The following FGFR2 variants were observed in gnomAD, a reference collection of about 807,000 sequenced individuals.
FGFR2 encodes fibroblast growth factor receptor 2.
Under a neutral mutation model 95.9 loss-of-function variants are expected in FGFR2, and 19 were observed. That is an observed-to-expected ratio of 0.20 (90% confidence interval 0.14 to 0.29). The LOEUF (loss-of-function observed/expected upper bound fraction) is 0.29, where lower values mean the gene tolerates loss of function less well. FGFR2 is among the 10% of genes least tolerant of loss of function. FGFR2 has a pLI of 1.00. For synonymous variants in FGFR2, 392 were observed against 393.3 expected (o/e 1.00, Z 0.04); for missense variants, 707 against 1,056.9 (o/e 0.67, Z 4.59).
chr10:121,556,940 G>C (rs755397219), intron 4 of FGFR2, among the ~76,000 whole-genome samples: 4 of 152,126 alleles, frequency 2.6e-5, no homozygotes, highest in African/African-American at 4.8e-5. Context: ...CCACTACCCT[G>C]CAGTTCTGCT....
In FGFR2 at chr10:121,587,260, G is replaced by A. The variant is rs116483661; in HGVS notation, c.109+6449C>T. On this transcript the variant is annotated intron_variant, in intron 2 of 17. Coordinates refer to ENST00000358487, the MANE Select transcript of FGFR2 (RefSeq NM_000141.5). ...TACCATATACAAAAAATCACCTCAA[G>A]ATGGAAGAAAGACTTAAATGTCAAA... Among the ~76,000 whole-genome samples the A allele has an allele frequency of 9.7e-3, 1,482 of 152,242 alleles. 20 individuals are homozygous for A. The highest frequency in any genetic ancestry group is 0.046 in the East Asian group (237 of 5,176).
rs41293757 is a variant in FGFR2, at chr10:121,497,374, A to G, written c.1673-652T>C. Among the ~76,000 whole-genome samples the G allele has an allele frequency of 1.6e-4, 24 of 152,240 alleles. 1 individual carries two copies. The East Asian group carries it at 3.9e-3, about 24-fold the overall frequency. On this transcript the variant is annotated intron_variant, in intron 12 of 17. Coordinates refer to ENST00000358487, the MANE Select transcript of FGFR2 (RefSeq NM_000141.5). ...TTTTGGTTCATTTTAACTATTCAAT[A>G]AGTAATATATTATTTTTAATCACAT...
At chr10:121,577,675 G>C (rs1472317888) in intron 2 of FGFR2, among the ~76,000 whole-genome samples, 1 of 151,988 alleles carries the variant, frequency 6.6e-6, no homozygotes, top group African/African-American at 2.4e-5. Context: ...TTCTACCTCT[G>C]GCTCTTCTGG....
At chr10:121,507,202 C>A (rs1283619317) in intron 9 of FGFR2, among the ~76,000 whole-genome samples, 1 of 152,220 alleles carries the variant, frequency 6.6e-6, no homozygotes, top group African/African-American at 2.4e-5. Context: ...GTCAGATTGT[C>A]AGGGTCCCTG....
At chr10:121,503,010 G>A (rs529310499) in intron 10 of FGFR2, among the ~76,000 whole-genome samples, 6 of 152,316 alleles carry the variant, frequency 3.9e-5, no homozygotes, top group South Asian at 2.1e-4. Context: ...AGGAAAACTC[G>A]CACAAGCCAA....
chr10:121,550,687 T>C (rs1855262809), intron 5 of FGFR2, among the ~76,000 whole-genome samples: 1 of 152,220 alleles, frequency 6.6e-6, no homozygotes, highest in African/African-American at 2.4e-5. Context: ...ACACCCGTTT[T>C]AGTTTTATAC....
intron 6 of FGFR2, among the ~76,000 whole-genome samples, chr10:121,527,355 TC>T (rs1230710141): frequency 2.6e-5 from 4 of 152,164 alleles, no homozygotes; most frequent in African/African-American, 4.8e-5. Context: ...CTCTCTGCCT[TC>T]AAAAAGTTTC....
At chr10:121,481,660 T>A (rs1844704991) in intron 17 of FGFR2, among the ~76,000 whole-genome samples, 1 of 152,156 alleles carries the variant, frequency 6.6e-6, no homozygotes, top group Admixed American at 6.5e-5. Context: ...AAACTTCGAT[T>A]TTTATATCCA....
chr10:121,575,892 A>T (rs1419641608), intron 2 of FGFR2, among the ~76,000 whole-genome samples: 2 of 151,286 alleles, frequency 1.3e-5, no homozygotes, highest in African/African-American at 2.4e-5. Flanking sequence ...ATAATAATTT[A>T]AAAAAATAAA....
At chr10:121,541,867 T>C (rs1853806596) in intron 5 of FGFR2, among the ~76,000 whole-genome samples, 1 of 152,242 alleles carries the variant, frequency 6.6e-6, no homozygotes, top group Admixed American at 6.5e-5. Context: ...CCTATTAAAA[T>C]TAGCAGCACA....
At chr10:121,563,113 C>T (rs1012758136) in intron 4 of FGFR2, among the ~76,000 whole-genome samples, 2 of 152,126 alleles carry the variant, frequency 1.3e-5, no homozygotes, top group African/African-American at 4.8e-5. Context: ...CGGTGGCTGA[C>T]GCCTGTAGTC....
At chr10:121,481,047 C>T (rs1388390441) in intron 17 of FGFR2, among the ~76,000 whole-genome samples, 1 of 152,158 alleles carries the variant, frequency 6.6e-6, no homozygotes, top group Non-Finnish European at 1.5e-5. Flanking sequence ...CATCTATTTA[C>T]ATATTGTCTG....
chr10:121,522,387 A>C (rs1850685974), intron 6 of FGFR2, among the ~76,000 whole-genome samples: 1 of 152,086 alleles, frequency 6.6e-6, no homozygotes, highest in Non-Finnish European at 1.5e-5. Context: ...CAAGATCCCT[A>C]TCTCTACAAA....
chr10:121,485,839 C>G lies in FGFR2; in HGVS notation c.2058-307G>C, dbSNP rs962379478. ...GGATCTCAGTTTCTCAGTTTCAAAG[C>G]CTTTACGCTCCTTTCCAACTCCTTA... On this transcript the variant is annotated intron_variant, in intron 15 of 17. Coordinates refer to ENST00000358487, the MANE Select transcript of FGFR2 (RefSeq NM_000141.5). The surrounding 1 kb of genome is among the most constrained non-coding windows in gnomAD (Gnocchi z 4.2). 2.0e-5 allele frequency among the ~76,000 whole-genome samples: 3 copies of G among 152,204 alleles called. No individual in the cohort carries two copies. Among genetic ancestry groups the G allele is most frequent in the Non-Finnish European group, 4.4e-5 (3 of 68,042 alleles).
chr10:121,551,160 C>T, intron 5 of FGFR2, 130 bp downstream of exon 5: 1 of 1,000,268 alleles, frequency 1.0e-6, no homozygotes, highest in Middle Eastern at 3.1e-4. Flanking sequence ...ATGGAGGTTG[C>T]AGTGAACCGA....
At chr10:121,488,672 T>C (rs1250196050) in intron 13 of FGFR2, among the ~76,000 whole-genome samples, 2 of 152,098 alleles carry the variant, frequency 1.3e-5, no homozygotes, top group Non-Finnish European at 2.9e-5. Flanking sequence ...TATAAATAAA[T>C]AGAATGATCA....
chr10:121,595,015 C>T lies in FGFR2; in HGVS notation c.-150-1048G>A, dbSNP rs1231199. ...CAAGCAACTTTAAATTCACTCAGTA[C>T]TCTCTGTGACTAAGGGTACAGTAAA... On this transcript the variant is annotated intron_variant, in intron 1 of 17. Transcript: ENST00000358487. Among the ~76,000 whole-genome samples, 1,264 of 152,240 alleles carry T rather than the reference C, an allele frequency of 8.3e-3. 19 individuals are homozygous for T. The highest frequency in any genetic ancestry group is 0.064 in the East Asian group (329 of 5,180).
chr10:121,555,269 A>C (rs907564942), intron 4 of FGFR2, among the ~76,000 whole-genome samples: 2 of 152,100 alleles, frequency 1.3e-5, no homozygotes, highest in Non-Finnish European at 2.9e-5. Context: ...GCTACTAGGG[A>C]GGGTGAGGCA....
Position 121,551,455 on chromosome 10 carries a change from T to C in FGFR2, c.459A>G (p.Ala153=), listed in dbSNP as rs1222690253. The C allele has an allele frequency of 1.2e-6, 2 of 1,614,024 alleles. No individual in the cohort carries two copies. Among genetic ancestry groups the C allele is most frequent in the Non-Finnish European group, 1.7e-6 (2 of 1,180,038 alleles). ...TCTTTTCTGTGTTGGTCCAGTATGGTGCTCCTGTTTTGGAAAACAGTATTA... is the reference window on the plus strand; with the variant it reads ...TCTTTTCTGTGTTGGTCCAGTATGGCGCTCCTGTTTTGGAAAACAGTATTA... The part of the protein sequence containing the change: ...FVSENSNNKR[A]PYWTNTEKME... The change falls in exon 5 of 18, where the codon GCA becomes GCG. Residue 153 remains alanine (A), a synonymous_variant. Transcript: ENST00000358487.
Sources: gnomAD v4.1 joint callset for allele counts (sites outside exome capture counted in the v4.1 genomes callset) on GRCh38, gnomAD v4.1.1 for gene constraint, Gnocchi (gnomAD v3.1) non-coding constraint, MANE v1.5 for transcripts, NCBI Gene and HGNC (gene_info 2026-07-23, HGNC 2026-07-21) for gene names.